CEP97: variants seen among roughly 807,000 people sequenced by gnomAD.
CEP97 encodes the protein centrosomal protein 97.
A neutral mutation model predicts 73.1 loss-of-function variants in CEP97; 43 were observed. The ratio of observed to expected loss-of-function variants is 0.59; its 90% CI spans 0.46 to 0.76. The LOEUF (loss-of-function observed/expected upper bound fraction) is 0.76. CEP97 is among the 30% of genes least tolerant of loss of function. The pLI, the probability that CEP97 is intolerant of heterozygous loss-of-function variation, is 0.00. For synonymous variants in CEP97, 337 were observed against 370.0 expected (o/e 0.91, Z 1.02); for missense variants, 939 against 1,014.0 (o/e 0.93, Z 1.00).
chr3:101,754,362 G>A (rs907973839), intron 6 of CEP97, among the ~76,000 whole-genome samples: 1 of 151,976 alleles, frequency 6.6e-6, no homozygotes, highest in African/African-American at 2.4e-5. Context: ...TTAACCAAGT[G>A]CCCTAATATC....
chr3:101,743,479 T>C (rs1398967066), intron 6 of CEP97, among the ~76,000 whole-genome samples: 1 of 152,030 alleles, frequency 6.6e-6, no homozygotes, highest in Non-Finnish European at 1.5e-5. Flanking sequence ...CATTGTAACC[T>C]CCGCCTCCTA....
intron 1 of CEP97, 37 bp from the exon 2 acceptor site, chr3:101,726,557 T>A (rs1395388741): frequency 1.3e-6 from 2 of 1,529,720 alleles, no homozygotes; most frequent in Admixed American, 4.4e-5. Flanking sequence ...ATGTTTTATT[T>A]TATTTGTGTT....
chr3:101,758,508 G>T (rs768562537), intron 9 of CEP97, 85 bp downstream of exon 9: 1 of 1,492,414 alleles, frequency 6.7e-7, no homozygotes, highest in Non-Finnish European at 9.1e-7. Flanking sequence ...CTGTGCTTCT[G>T]TGATTATAAC....
chr3:101,757,090 A>G lies in CEP97; in HGVS notation c.921A>G (p.Gln307=). The G allele has an allele frequency of 6.2e-7, 1 of 1,612,504 alleles. No homozygotes were observed. The highest frequency in any genetic ancestry group is 1.1e-5 in the South Asian group (1 of 90,666). ...TTCACCAGAGGCAGTTGATGAACCA[A>G]AGCCAAAATGAAGAGTTGTCTCCTC... ...QRFHQRQLMN[Q]SQNEELSPLV... Residue 307 remains glutamine (Q), a synonymous_variant, in exon 8 of 11, where the codon CAA becomes CAG. Coordinates refer to ENST00000341893, the MANE Select transcript of CEP97 (RefSeq NM_024548.4).
intron 6 of CEP97, among the ~76,000 whole-genome samples, chr3:101,733,981 C>T (rs1352575068): frequency 2.0e-5 from 3 of 152,116 alleles, no homozygotes; most frequent in Non-Finnish European, 4.4e-5. Context: ...CATGTGCCAC[C>T]ACACCCAGCT....
intron 6 of CEP97, among the ~76,000 whole-genome samples, chr3:101,753,769 A>C (rs1331847595): frequency 3.3e-5 from 5 of 152,048 alleles, no homozygotes; most frequent in Non-Finnish European, 7.4e-5. Context: ...GCGCAGTATT[A>C]GGGTGGGAGT....
intron 6 of CEP97, among the ~76,000 whole-genome samples, chr3:101,750,900 G>A (rs1367530090): frequency 6.6e-6 from 1 of 152,066 alleles, no homozygotes; most frequent in East Asian, 1.9e-4. Context: ...GGTTTTTTGT[G>A]TCTCTATTTC....
intron 9 of CEP97, among the ~76,000 whole-genome samples, chr3:101,759,926 G>C (rs1321997190): frequency 7.0e-6 from 1 of 142,880 alleles, no homozygotes; most frequent in Non-Finnish European, 1.5e-5. Context: ...GGAGAATCTA[G>C]ATTAAAGGAA....
At chr3:101,730,945 AGAT>A in intron 4 of CEP97, among the ~76,000 whole-genome samples, 1 of 152,010 alleles carries the variant, frequency 6.6e-6, no homozygotes, top group East Asian at 1.9e-4. Flanking sequence ...AATGAACCAA[AGAT>A]GATTGAATTT....
intron 6 of CEP97, among the ~76,000 whole-genome samples, chr3:101,746,533 T>A (rs1292977553): frequency 2.0e-5 from 3 of 150,424 alleles, no homozygotes; most frequent in Admixed American, 6.7e-5. Flanking sequence ...CAATTCAAGA[T>A]GGATTAAAGA....
At chr3:101,746,134 T>A (rs1938607755) in intron 6 of CEP97, among the ~76,000 whole-genome samples, 2 of 152,238 alleles carry the variant, frequency 1.3e-5, no homozygotes, top group African/African-American at 4.8e-5. Context: ...ATGTGCCACA[T>A]TTTCTTAATC....
At chr3:101,762,406 A>C (rs1939196416) in intron 9 of CEP97, 79 bp from the exon 10 acceptor site, 9 of 739,464 alleles carry the variant, frequency 1.2e-5, no homozygotes, top group Non-Finnish European at 2.1e-5. Flanking sequence ...TTTACAATGC[A>C]TGTGTTTATG....
intron 6 of CEP97, among the ~76,000 whole-genome samples, chr3:101,740,344 C>G (rs1938410745): frequency 6.6e-6 from 1 of 152,148 alleles, no homozygotes; most frequent in South Asian, 2.1e-4. Context: ...AGAGCCTAAT[C>G]ATGAGTGAAC....
chr3:101,735,553 G>A (rs112536671), intron 6 of CEP97, among the ~76,000 whole-genome samples: 256 of 152,330 alleles, frequency 1.7e-3, no homozygotes, highest in African/African-American at 5.0e-3. Flanking sequence ...AGGGTGAGCA[G>A]AAGCAGGGTG....
rs761900072 is a variant in CEP97, at chr3:101,765,216, C to T, written c.2263C>T (p.His755Tyr). ...ESDLGDVSEE[H>Y]GEWNKESSNN... ...AGATTTAGGGGATGTTAGTGAAGAA[C>T]ATGGTGAATGGAATAAGGAAAGCTC... The change falls in exon 11 of 11, where the codon CAT (histidine) becomes TAT (tyrosine). Residue 755 changes from histidine to tyrosine, a missense_variant. Physicochemically the swap from His to Tyr is moderately conservative, Grantham distance 83 (BLOSUM62 2). Transcript: ENST00000341893. 11 of 1,614,062 alleles carry T rather than the reference C, an allele frequency of 6.8e-6. No individual in the cohort carries two copies. Among genetic ancestry groups the T allele is most frequent in the Non-Finnish European group, 9.3e-6 (11 of 1,180,028 alleles).
chr3:101,763,309 A>G, intron 10 of CEP97: 1 of 808,904 alleles, frequency 1.2e-6, no homozygotes, highest in Non-Finnish European at 1.6e-6. Flanking sequence ...ATTATAGAAT[A>G]ATAATACTGT....
At chr3:101,761,517 G>A (rs759860042) in intron 9 of CEP97, among the ~76,000 whole-genome samples, 12 of 152,142 alleles carry the variant, frequency 7.9e-5, no homozygotes, top group Non-Finnish European at 1.5e-4. Flanking sequence ...ACTTGACAAC[G>A]AATTTTGGGA....
intron 6 of CEP97, 91 bp downstream of exon 6, chr3:101,732,745 T>A (rs961585301): frequency 2.4e-5 from 27 of 1,141,438 alleles, no homozygotes; most frequent in Non-Finnish European, 3.3e-5. Flanking sequence ...AAAATGTGCA[T>A]TTAGATAACA....
intron 10 of CEP97, among the ~76,000 whole-genome samples, chr3:101,764,510 C>T (rs1939256231): frequency 6.6e-6 from 1 of 151,858 alleles, no homozygotes; most frequent in Non-Finnish European, 1.5e-5. Context: ...ACTTGGGAAG[C>T]TGAGGCAGGA....
Sources: gnomAD v4.1 joint callset for allele counts (sites outside exome capture counted in the v4.1 genomes callset) on GRCh38, gnomAD v4.1.1 for gene constraint, MANE v1.5 for transcripts, NCBI Gene and HGNC (gene_info 2026-07-23, HGNC 2026-07-21) for gene names.